The following DNAJC10 variants were observed in gnomAD, a reference collection of about 807,000 sequenced individuals.
The protein encoded by DNAJC10 is DnaJ heat shock protein family (Hsp40) member C10.
In DNAJC10, 101 loss-of-function variants were observed where a neutral mutation model predicts 115.0. That is an observed-to-expected ratio of 0.88 (90% CI 0.75 to 1.04). The LOEUF (loss-of-function observed/expected upper bound fraction) is 1.04, where lower values mean the gene tolerates loss of function less well. DNAJC10 is among the 50% of genes least tolerant of loss of function. The pLI is 0.00. For missense variants in DNAJC10, 981 were observed against 928.8 expected (o/e 1.06, Z -0.73); for synonymous variants, 307 against 301.5 (o/e 1.02, Z -0.19).
rs57611726 is a variant in DNAJC10 at position 182,790,789 on chromosome 2, CA to C, written c.*13674del. ...GGGCAACAAGAGTGAAACTCTATCTCAAAAAAAAAAAAAAAAATTACAATAG... is the reference window on the plus strand; with the variant it reads ...GGGCAACAAGAGTGAAACTCTATCTCAAAAAAAAAAAAAAAATTACAATAG... On this transcript the variant is annotated 3_prime_UTR_variant, in exon 24 of 24. Transcript: ENST00000264065. The C allele has an allele frequency of 0.65, 89,242 of 138,146 alleles. 28,134 individuals are homozygous for C. The highest frequency in any genetic ancestry group is 0.73 in the African/African-American group (27,256 of 37,524). The allele number at this position is 138,146 out of a possible 1,614,324, so 8.6% of individuals were successfully genotyped here. A position where few individuals can be genotyped will look rare whatever the true frequency, so the allele number is the denominator to read the frequency against.
At chr2:182,763,413 C>T (rs369617742) in intron 22 of DNAJC10, among the ~76,000 whole-genome samples, 7 of 152,064 alleles carry the variant, frequency 4.6e-5, no homozygotes, top group African/African-American at 1.2e-4. Context: ...TCCAGCTGAA[C>T]GGGGGCAAGA....
intron 2 of DNAJC10, 47 bp from the exon 3 acceptor site, chr2:182,717,894 A>G (rs1693036322): frequency 8.9e-6 from 4 of 448,616 alleles, no homozygotes; most frequent in Non-Finnish European, 1.6e-5. Context: ...TTGTGCTATT[A>G]TTGTTTAGTT....
At position 182,720,051 on chromosome 2, in the gene DNAJC10, A is replaced by G. The variant is rs756788319; in HGVS notation, c.249A>G (p.Ala83=). The change falls in exon 4 of 24, where the codon GCA becomes GCG. Residue 83 remains alanine (A), a synonymous_variant. Coordinates refer to ENST00000264065, the MANE Select transcript of DNAJC10 (RefSeq NM_018981.4). ...GCGATTTTTTAAAAATAAATAGAGCATATGAAGTACTCAAAGATGAAGATC... is the reference window on the plus strand; with the variant it reads ...GCGATTTTTTAAAAATAAATAGAGCGTATGAAGTACTCAAAGATGAAGATC... ...AHGDFLKINR[A]YEVLKDEDLR... 2 of 1,595,702 alleles carry G rather than the reference A, an allele frequency of 1.3e-6. No homozygotes were observed. The highest frequency in any genetic ancestry group is 1.7e-5 in the Admixed American group (1 of 59,710).
At position 182,759,255 on chromosome 2, in the gene DNAJC10, C is replaced by T. The variant is rs1024123807; in HGVS notation, c.2093C>T (p.Pro698Leu). Residue 698 changes from proline (P) to leucine (L), a missense_variant, in exon 21 of 24, where the codon CCT becomes CTT. By Grantham distance (98) the Pro-to-Leu change is moderately conservative (BLOSUM62 -3). Transcript: ENST00000264065. ...KNHWVIDFYA[P>L]WCGPCQNFAP... ...CATTGGGTGATTGATTTCTATGCTC[C>T]TTGGTGTGGACCTTGCCAGAATTTT... 2.5e-6 allele frequency: 4 copies of T among 1,612,170 alleles called. No homozygotes were observed. The highest frequency in any genetic ancestry group is 3.4e-6 in the Non-Finnish European group (4 of 1,179,590).
chr2:182,751,459 G>C (rs899167835), intron 14 of DNAJC10, among the ~76,000 whole-genome samples, 199 bp from the exon 15 acceptor site: 1 of 152,054 alleles, frequency 6.6e-6, no homozygotes, highest in African/African-American at 2.4e-5. Context: ...AACTAGTCCA[G>C]GAAACAGAAG....
In DNAJC10 at chr2:182,759,196, G is replaced by C. The variant is rs1271661216; in HGVS notation, c.2034G>C (p.Gln678His). ...LPQVSTDLTP[Q>H]TFSEKVLQGK... ...AAGTATCCACAGATCTAACACCTCA[G>C]ACTTTCAGTGAAAAAGTTCTACAAG... Residue 678 changes from glutamine to histidine, a missense_variant, in exon 21 of 24, where the codon CAG becomes CAC. By Grantham distance (24) the Gln-to-His change is conservative. Transcript: ENST00000264065. 1 of 1,606,916 alleles carries C rather than the reference G, an allele frequency of 6.2e-7. No individual in the cohort carries two copies. The highest frequency in any genetic ancestry group is 2.2e-5 in the East Asian group (1 of 44,780).
At position 182,785,484 on chromosome 2, in the gene DNAJC10, A is replaced by G. The variant is rs1428060071; in HGVS notation, c.*8352A>G. The G allele has an allele frequency of 6.6e-6, 1 of 152,126 alleles. No individual in the cohort carries two copies. Among genetic ancestry groups the G allele is most frequent in the African/African-American group, 2.4e-5 (1 of 41,432 alleles). 9.4% of individuals were successfully genotyped at this position (152,126 alleles called of 1,614,324 possible). On this transcript the variant is annotated 3_prime_UTR_variant, in exon 24 of 24. Transcript: ENST00000264065. ...ATTGCTTACTTCATATCTGTATCCT[A>G]ATTATCCTAATTAACTCGTTTGTTA...
rs1184711195 is a variant in DNAJC10 at position 182,718,334 on chromosome 2, G to A, written c.204+44G>A. On this transcript the variant is annotated intron_variant, in intron 3 of 23. Coordinates refer to ENST00000264065, the MANE Select transcript of DNAJC10 (RefSeq NM_018981.4). ...TTAAAAATATTTGATTATATTTTTG[G>A]TACATTTTGATATTTATTTAAATTG... The A allele has an allele frequency of 2.8e-6, 4 of 1,448,784 alleles. No individual in the cohort carries two copies. The South Asian group carries it at 5.4e-5, about 19-fold the overall frequency. 89.7% of individuals were successfully genotyped at this position (1,448,784 alleles called of 1,614,324 possible).
In DNAJC10 at chr2:182,787,807, G is replaced by A. The variant is rs1402660913; in HGVS notation, c.*10675G>A. 2.0e-5 allele frequency: 3 copies of A among 152,450 alleles called. No individual in the cohort carries two copies. The highest frequency in any genetic ancestry group is 2.9e-5 in the Non-Finnish European group (2 of 68,354). 9.4% of individuals were successfully genotyped at this position (152,450 alleles called of 1,614,324 possible). A position where few individuals can be genotyped will look rare whatever the true frequency, so the allele number is the denominator to read the frequency against. On this transcript the variant is annotated 3_prime_UTR_variant, in exon 24 of 24. Transcript: ENST00000264065. ...GTGGTAGGGTATGCCTGTAGTCCCA[G>A]CTACTTGGGAGGCTGAGGTGGGAGG...
intron 10 of DNAJC10, chr2:182,732,835 T>C (rs1221564817): frequency 1.7e-5 from 7 of 401,520 alleles, no homozygotes; most frequent in African/African-American, 1.3e-4. Flanking sequence ...TTCCCAACTT[T>C]ATCTTTTGTT....
chr2:182,746,376 C>T (rs1693866475), intron 14 of DNAJC10, among the ~76,000 whole-genome samples: 1 of 152,146 alleles, frequency 6.6e-6, no homozygotes, highest in South Asian at 2.1e-4. Flanking sequence ...CCTATTTCTC[C>T]ACATCCTCTC....
intron 16 of DNAJC10, among the ~76,000 whole-genome samples, chr2:182,753,089 A>G (rs1301460658): frequency 5.3e-5 from 8 of 152,182 alleles, no homozygotes; most frequent in African/African-American, 1.9e-4. Context: ...GGGAGTCCTT[A>G]TATTTTAAAT....
intron 20 of DNAJC10, 123 bp downstream of exon 20, chr2:182,759,013 ATT>A: frequency 2.9e-6 from 3 of 1,048,654 alleles, no homozygotes; most frequent in Non-Finnish European, 4.2e-6. Context: ...TTAGTAAAGT[ATT>A]ATATTAACCA....
chr2:182,774,085 C>G (rs1217082198), intron 22 of DNAJC10, among the ~76,000 whole-genome samples: 1 of 152,202 alleles, frequency 6.6e-6, no homozygotes, highest in Non-Finnish European at 1.5e-5. Flanking sequence ...CTGACAGGTC[C>G]CTCAGCTGCA....
intron 22 of DNAJC10, among the ~76,000 whole-genome samples, chr2:182,764,177 G>A (rs1339697643): frequency 6.6e-6 from 1 of 152,108 alleles, no homozygotes; most frequent in Non-Finnish European, 1.5e-5. Context: ...AAATTTTGAC[G>A]GGTAATGAAT....
At chr2:182,732,357 A>T (rs1693472414) in intron 9 of DNAJC10, 142 bp from the exon 10 acceptor site, 1 of 755,240 alleles carries the variant, frequency 1.3e-6, no homozygotes, top group East Asian at 2.5e-5. Context: ...TGTGTGTAGA[A>T]GGATTTCCAT....
rs1694912427 is a variant in DNAJC10, at chr2:182,784,536, C to T, written c.*7404C>T. 6.6e-6 allele frequency: 1 copy of T among 152,104 alleles called. No homozygotes were observed. The highest frequency in any genetic ancestry group is 6.5e-5 in the Admixed American group (1 of 15,268). 9.4% of individuals were successfully genotyped at this position (152,104 alleles called of 1,614,324 possible). A position where few individuals can be genotyped will look rare whatever the true frequency, so the allele number is the denominator to read the frequency against. On this transcript the variant is annotated 3_prime_UTR_variant, in exon 24 of 24. Transcript: ENST00000264065. ...TTGACAAACAGCCAGAAGTATTATA[C>T]TGTTGACTGTGTTTAAAACTAATTT... is the stretch of plus-strand genomic sequence containing the variant.
In DNAJC10 at chr2:182,741,310, C is replaced by G; in HGVS notation, c.1145C>G (p.Pro382Arg). 1 of 1,601,940 alleles carries G rather than the reference C, an allele frequency of 6.2e-7. No individual in the cohort carries two copies. Among genetic ancestry groups the G allele is most frequent in the Non-Finnish European group, 8.5e-7 (1 of 1,175,630 alleles). Residue 382 changes from proline (P) to arginine (R), a missense_variant, in exon 13 of 24, where the codon CCT becomes CGT. Coordinates refer to ENST00000264065, the MANE Select transcript of DNAJC10 (RefSeq NM_018981.4). ...GGAAAAAATGAAAATTCAAATGATC[C>G]TGAGCTGAAAAAACTAAAAACTCTA... ...HFGKNENSND[P>R]ELKKLKTLLK...
chr2:182,761,064 T>TAACTCCAC (rs1694273852), intron 21 of DNAJC10, among the ~76,000 whole-genome samples: 1 of 152,078 alleles, frequency 6.6e-6, no homozygotes, highest in Admixed American at 6.6e-5. Flanking sequence ...TTATGCTAAG[T>TAACTCCAC]AGTAGGGCCA....
Sources: gnomAD v4.1 joint callset for allele counts (sites outside exome capture counted in the v4.1 genomes callset) on GRCh38, gnomAD v4.1.1 for gene constraint, MANE v1.5 for transcripts, NCBI Gene and HGNC (gene_info 2026-07-23, HGNC 2026-07-21) for gene names.